Variants in TAF2 observed in about 807,000 individuals in gnomAD.
TAF2 encodes the protein transcription initiation factor TFIID subunit 2.
Under a neutral mutation model 138.5 loss-of-function variants are expected in TAF2, and 61 were observed. That is an observed-to-expected ratio of 0.44 (90% CI 0.36 to 0.54). The LOEUF (loss-of-function observed/expected upper bound fraction) is 0.54, where lower values mean the gene tolerates loss of function less well. TAF2 is among the 20% of genes least tolerant of loss of function. TAF2 has a pLI of 0.00. For synonymous variants in TAF2, 475 were observed against 469.9 expected (o/e 1.01, Z -0.14); for missense variants, 1,090 against 1,427.9 (o/e 0.76, Z 3.81).
chr8:119,780,873 T>A (rs1371471805), intron 17 of TAF2, among the ~76,000 whole-genome samples, 180 bp downstream of exon 17: 1 of 145,104 alleles, frequency 6.9e-6, no homozygotes, highest in Admixed American at 6.9e-5. Context: ...AGGCGGAGCT[T>A]GCAGTGAGCG....
At chr8:119,777,074 T>C (rs1343666866) in intron 18 of TAF2, among the ~76,000 whole-genome samples, 1 of 152,230 alleles carries the variant, frequency 6.6e-6, no homozygotes, top group Admixed American at 6.5e-5. Flanking sequence ...AACAATGATA[T>C]ATATGGCATT....
At chr8:119,824,668 G>A (rs2131266171) in intron 2 of TAF2, among the ~76,000 whole-genome samples, 1 of 152,286 alleles carries the variant, frequency 6.6e-6, no homozygotes. Flanking sequence ...GTGCAGCCTA[G>A]GGACTTGATG....
rs1403861961 is a variant in TAF2, at chr8:119,806,380, G to A, written c.321C>T (p.Ser107=). 3 of 1,612,860 alleles carry A rather than the reference G, an allele frequency of 1.9e-6. No individual in the cohort carries two copies. The highest frequency in any genetic ancestry group is 2.5e-6 in the Non-Finnish European group (3 of 1,179,606). Residue 107 remains serine, a synonymous_variant, in exon 4 of 26, where the codon TCC becomes TCT. Transcript: ENST00000378164. ...CACTAACTGCAGCTGCATAAGCATT[G>A]GAAAAATAATTGAGGTTTCTCCTGG... The part of the protein sequence containing the change: ...ESKQRNLNYF[S]NAYAAAVSAV...
Position 119,806,377 on chromosome 8 carries a change from A to G in TAF2, c.324T>C (p.Asn108=). ...CAGCACTAACTGCAGCTGCATAAGC[A>G]TTGGAAAAATAATTGAGGTTTCTCC... The part of the protein sequence containing the change: ...SKQRNLNYFS[N]AYAAAVSAVD... The change falls in exon 4 of 26, where the codon AAT becomes AAC. Residue 108 remains asparagine, a synonymous_variant. Coordinates refer to ENST00000378164, the MANE Select transcript of TAF2 (RefSeq NM_003184.4). 6.2e-7 allele frequency: 1 copy of G among 1,613,986 alleles called. No homozygotes were observed. Among genetic ancestry groups the G allele is most frequent in the South Asian group, 1.1e-5 (1 of 91,080 alleles).
intron 19 of TAF2, among the ~76,000 whole-genome samples, chr8:119,760,974 A>G (rs1452078122): frequency 1.3e-5 from 2 of 152,216 alleles, no homozygotes; most frequent in East Asian, 1.9e-4. Flanking sequence ...AAGAAAAAAT[A>G]TTTTTAATAT....
intron 20 of TAF2, among the ~76,000 whole-genome samples, chr8:119,760,011 T>C (rs1820951451): frequency 2.7e-5 from 4 of 149,184 alleles, no homozygotes; most frequent in Admixed American, 2.6e-4. Context: ...GAAACTACTG[T>C]AGGTCTGCTT....
chr8:119,758,277 T>C (rs1820834892), intron 20 of TAF2, 135 bp from the exon 21 acceptor site: 2 of 729,386 alleles, frequency 2.7e-6, no homozygotes, highest in Non-Finnish European at 4.6e-6. Flanking sequence ...TTGAAGGTTA[T>C]AGGTAAGCTC....
chr8:119,786,993 G>A (rs35478831), intron 14 of TAF2, among the ~76,000 whole-genome samples: 4,118 of 152,208 alleles, frequency 0.027, 91 homozygotes, highest in Admixed American at 0.047. Context: ...ACAGAGGCAT[G>A]GGCAAAGACT....
chr8:119,831,621 T>C (rs898868264), intron 2 of TAF2, 56 bp downstream of exon 2: 5 of 1,312,974 alleles, frequency 3.8e-6, no homozygotes, highest in African/African-American at 2.9e-5. Context: ...GAGGGGTGGA[T>C]TGTTACTCTT....
intron 18 of TAF2, among the ~76,000 whole-genome samples, chr8:119,767,290 T>G (rs940010140): frequency 6.6e-6 from 1 of 152,192 alleles, no homozygotes; most frequent in Non-Finnish European, 1.5e-5. Flanking sequence ...ACAATTCAAC[T>G]ATTATCATCT....
chr8:119,731,279 G>A lies in TAF2; in HGVS notation c.*645C>T, dbSNP rs908841269. 20 of 152,100 alleles carry A rather than the reference G, an allele frequency of 1.3e-4. No homozygotes were observed. Among genetic ancestry groups the A allele is most frequent in the Admixed American group, 6.5e-5 (1 of 15,270 alleles). The allele number at this position is 152,100 out of a possible 1,614,324, so 9.4% of individuals were successfully genotyped here. A position where few individuals can be genotyped will look rare whatever the true frequency, so the allele number is the denominator to read the frequency against. On this transcript the variant is annotated 3_prime_UTR_variant, in exon 26 of 26. Transcript: ENST00000378164. ...GCTAAATTCCAACATCGTAACCGCC[G>A]AATGTGTTATCAAAAGATAGTTATT... is the stretch of plus-strand genomic sequence containing the variant.
intron 22 of TAF2, among the ~76,000 whole-genome samples, chr8:119,750,713 G>C (rs1586316565): frequency 6.6e-6 from 1 of 152,130 alleles, no homozygotes; most frequent in Admixed American, 6.5e-5. Flanking sequence ...GAAACCTTCT[G>C]ATGTTAATAT....
intron 3 of TAF2, among the ~76,000 whole-genome samples, chr8:119,806,743 C>T (rs1397109647): frequency 6.6e-6 from 1 of 152,174 alleles, no homozygotes; most frequent in Non-Finnish European, 1.5e-5. Context: ...GCTGGGATTA[C>T]AGGCATGAGC....
Position 119,743,766 on chromosome 8 carries a change from A to C in TAF2, c.3214+522T>G, listed in dbSNP as rs144424521. Among the ~76,000 whole-genome samples the C allele has an allele frequency of 1.8e-4, 28 of 152,330 alleles. 1 individual carries two copies. The highest frequency in any genetic ancestry group is 9.8e-4 in the Admixed American group (15 of 15,308). Reference sequence around the variant, plus strand: ...GCAGAATTACCTACAATACATAAAAATGAAAAACAACCTAATGCCTATCAA... The same window carrying C: ...GCAGAATTACCTACAATACATAAAACTGAAAAACAACCTAATGCCTATCAA... On this transcript the variant is annotated intron_variant, in intron 24 of 25. Transcript: ENST00000378164.
At chr8:119,776,347 C>CTTTTT (rs35600902) in intron 18 of TAF2, among the ~76,000 whole-genome samples, 1 of 134,556 alleles carries the variant, frequency 7.4e-6, no homozygotes. Flanking sequence ...CATGCCTGTG[C>CTTTTT]TTTTTTTTTT....
At chr8:119,792,620 C>T (rs1470364681) in intron 10 of TAF2, among the ~76,000 whole-genome samples, 6 of 152,148 alleles carry the variant, frequency 3.9e-5, no homozygotes, top group Non-Finnish European at 1.5e-5. Context: ...ATGGTGCCCC[C>T]TCCAAAATTC....
At chr8:119,818,602 T>C (rs970374127) in intron 3 of TAF2, among the ~76,000 whole-genome samples, 1 of 152,106 alleles carries the variant, frequency 6.6e-6, no homozygotes, top group African/African-American at 2.4e-5. Flanking sequence ...AAAAAATTTG[T>C]ATGTGACAAA....
At position 119,731,736 on chromosome 8, in the gene TAF2, C is replaced by T. The variant is rs1004784833; in HGVS notation, c.*188G>A. The T allele has an allele frequency of 1.6e-6, 1 of 637,392 alleles. No homozygotes were observed. The highest frequency in any genetic ancestry group is 1.9e-5 in the South Asian group (1 of 51,518). 39.5% of individuals were successfully genotyped at this position (637,392 alleles called of 1,614,324 possible). ...ATAGTTTATCCAGAACTACAAAACA[C>T]ATTTTCCTAATTAGATCCCAACTGT... On this transcript the variant is annotated 3_prime_UTR_variant, in exon 26 of 26. Coordinates refer to ENST00000378164, the MANE Select transcript of TAF2 (RefSeq NM_003184.4).
intron 20 of TAF2, among the ~76,000 whole-genome samples, chr8:119,758,366 T>A (rs1281503380): frequency 6.6e-6 from 1 of 152,148 alleles, no homozygotes; most frequent in African/African-American, 2.4e-5. Context: ...TAAAGTTGCA[T>A]CAATAATGTA....
Sources: allele counts gnomAD v4.1 joint callset (sites outside exome capture counted in the v4.1 genomes callset), GRCh38; gene constraint gnomAD v4.1.1; transcripts MANE v1.5; gene names NCBI Gene and HGNC (gene_info 2026-07-23, HGNC 2026-07-21).